Variants in SMO observed in about 807,000 individuals in gnomAD.
SMO encodes the protein smoothened, frizzled class receptor, also known as protein smoothened.
A neutral mutation model predicts 81.6 loss-of-function variants in SMO; 40 were observed. That is an observed-to-expected ratio of 0.49 (90% CI 0.38 to 0.64). SMO has a LOEUF of 0.64. Ranked by LOEUF, SMO falls within the 30% of genes least tolerant of loss-of-function variation. The pLI is 0.00. For synonymous variants in SMO, 434 were observed against 432.1 expected, an observed-to-expected ratio of 1.00 and a Z score of -0.05; for missense variants, 916 against 1,061.1, an observed-to-expected ratio of 0.86 and a Z score of 1.90.
intron 1 of SMO, among the ~76,000 whole-genome samples, chr7:129,192,641 A>T (rs1186139709): frequency 6.6e-6 from 1 of 152,120 alleles, no homozygotes; most frequent in African/African-American, 2.4e-5. Flanking sequence ...TAACTTTCAG[A>T]GGTAGTGCTC....
Position 129,206,376 on chromosome 7 carries a change from T to C in SMO, c.1140+7T>C, listed in dbSNP as rs530794787. ...AATCCTTGCTGTGGCGCAGGTATAG[T>C]GACTGGTAGGAACGGGAGACCTGGA... On this transcript the variant is annotated splice_region_variant and intron_variant, in intron 5 of 11. Coordinates refer to ENST00000249373, the MANE Select transcript of SMO (RefSeq NM_005631.5). The surrounding 1 kb of genome is among the most constrained non-coding windows in gnomAD (Gnocchi z 4.4). 2.7e-5 allele frequency: 43 copies of C among 1,614,078 alleles called. No homozygotes were observed. In the East Asian group the frequency reaches 8.9e-4, roughly 33 times the overall value.
intron 1 of SMO, among the ~76,000 whole-genome samples, chr7:129,201,895 G>A (rs1230000115): frequency 6.6e-6 from 1 of 152,036 alleles, no homozygotes; most frequent in Admixed American, 6.6e-5. Flanking sequence ...TGGCCAGGCT[G>A]GTCTTGAACT....
chr7:129,203,630 G>A (rs1310086200), intron 2 of SMO, 41 bp downstream of exon 2: 1 of 1,515,576 alleles, frequency 6.6e-7, no homozygotes, highest in Non-Finnish European at 8.9e-7. Context: ...CTCTGGGTTG[G>A]GCAGGACCGG....
rs143083812 is a variant in SMO at position 129,203,569 on chromosome 7, C to T, written c.517C>T (p.Arg173Cys). The T allele has an allele frequency of 6.7e-4, 1,069 of 1,601,930 alleles. 1 individual carries two copies. Among genetic ancestry groups the T allele is most frequent in the Non-Finnish European group, 8.5e-4 (1,003 of 1,179,520 alleles). The change falls in exon 2 of 12, where the codon CGC becomes TGC. Residue 173 changes from arginine (R) to cysteine (C), a missense_variant. This residue lies in a region of SMO where 436 missense variants were observed against 570.9 expected (regional missense o/e 0.76). Coordinates refer to ENST00000249373, the MANE Select transcript of SMO (RefSeq NM_005631.5). ...TGACTTCCTGCGCTGCACTCCTGAC[C>T]GCTTCCCTGAAGGCTGCACGGTGAG... ...WPDFLRCTPD[R>C]FPEGCTNEVQ...
In SMO at chr7:129,189,537, G is replaced by A. The variant is rs2150638676; in HGVS notation, c.331+55G>A. 2.6e-6 allele frequency: 4 copies of A among 1,523,482 alleles called. No homozygotes were observed. Among genetic ancestry groups the A allele is most frequent in the Non-Finnish European group, 2.6e-6 (3 of 1,138,398 alleles). 94.4% of individuals were successfully genotyped at this position (1,523,482 alleles called of 1,614,324 possible). A position where few individuals can be genotyped will look rare whatever the true frequency, so the allele number is the denominator to read the frequency against. On this transcript the variant is annotated intron_variant, in intron 1 of 11. Coordinates refer to ENST00000249373, the MANE Select transcript of SMO (RefSeq NM_005631.5). The surrounding 1 kb of genome is among the most constrained non-coding windows in gnomAD (Gnocchi z 4.7). ...CGGGAGGTGCCGCGGTAAGATGGGG[G>A]CACCCTTGGAAAGAACAGGCTCAGG...
Position 129,211,926 on chromosome 7 carries a change from C to A in SMO, c.1937-98C>A. 1 of 1,422,714 alleles carries A rather than the reference C, an allele frequency of 7.0e-7. No individual in the cohort carries two copies. The allele number at this position is 1,422,714 out of a possible 1,614,324, so 88.1% of individuals were successfully genotyped here. On this transcript the variant is annotated intron_variant, in intron 11 of 11. Transcript: ENST00000249373. The surrounding 1 kb of genome is among the most constrained non-coding windows in gnomAD (Gnocchi z 4.6). ...GCTGAGGCTCTAAGAGTCTAGAGAC[C>A]TGGGCCCCAGAACTAACAGGTTAAG...
In SMO at chr7:129,206,339, C is replaced by T. The variant is rs779576969; in HGVS notation, c.1110C>T (p.Val370=). 2 of 1,614,186 alleles carry T rather than the reference C, an allele frequency of 1.2e-6. No homozygotes were observed. Among genetic ancestry groups the T allele is most frequent in the South Asian group, 2.2e-5 (2 of 91,082 alleles). The change falls in exon 5 of 12, where the codon GTC becomes GTT. Residue 370 remains valine, a synonymous_variant. Transcript: ENST00000249373. This position sits in a 1 kb window ranked among gnomAD's most constrained non-coding sequence, Gnocchi z 4.4. ...TGCTCACCTGGTCACTCCCCTTTGT[C>T]CTCACTGTGGCAATCCTTGCTGTGG... ...FHLLTWSLPF[V]LTVAILAVAQ...
Position 129,205,222 on chromosome 7 carries a change from A to G in SMO, c.557A>G (p.Lys186Arg), listed in dbSNP as rs771290147. 8 of 1,614,018 alleles carry G rather than the reference A, an allele frequency of 5.0e-6. No homozygotes were observed. Among genetic ancestry groups the G allele is most frequent in the East Asian group, 4.5e-5 (2 of 44,890 alleles). Residue 186 changes from lysine (K) to arginine (R), a missense_variant, in exon 3 of 12, where the codon AAG becomes AGG. Lys to Arg is a conservative substitution (Grantham distance 26). Coordinates refer to ENST00000249373, the MANE Select transcript of SMO (RefSeq NM_005631.5). The part of the protein sequence containing the change: ...EGCTNEVQNI[K>R]FNSSGQCEVP... Reference sequence around the variant, plus strand: ...TGCCAGAATGAGGTGCAGAACATCAAGTTCAACAGTTCAGGCCAGTGCGAA... The same window carrying G: ...TGCCAGAATGAGGTGCAGAACATCAGGTTCAACAGTTCAGGCCAGTGCGAA...
At chr7:129,201,737 G>A (rs932485815) in intron 1 of SMO, among the ~76,000 whole-genome samples, 1 of 151,926 alleles carries the variant, frequency 6.6e-6, no homozygotes, top group African/African-American at 2.4e-5. Flanking sequence ...CTGGAGTGCA[G>A]TGGCGCCATC....
At chr7:129,192,834 T>C (rs1042131724) in intron 1 of SMO, among the ~76,000 whole-genome samples, 4 of 152,204 alleles carry the variant, frequency 2.6e-5, no homozygotes, top group Non-Finnish European at 5.9e-5. Flanking sequence ...ATTGGACATC[T>C]ATGTGGAGAT....
chr7:129,193,788 ATATATATATAT>A (rs1793522440), intron 1 of SMO, among the ~76,000 whole-genome samples: 1 of 52,960 alleles, frequency 1.9e-5, no homozygotes, highest in African/African-American at 7.2e-5. Flanking sequence ...AAAAAAAAAT[ATATATATATAT>A]ATATATATAT....
chr7:129,190,642 A>G (rs531867587), intron 1 of SMO, among the ~76,000 whole-genome samples: 3 of 152,342 alleles, frequency 2.0e-5, no homozygotes, highest in East Asian at 1.9e-4. Context: ...GATGTTGGAC[A>G]AGGCCATAAG....
Position 129,211,895 on chromosome 7 carries a change from A to T in SMO, c.1936+125A>T, listed in dbSNP as rs1563151949. 1 of 1,425,046 alleles carries T rather than the reference A, an allele frequency of 7.0e-7. No homozygotes were observed. 88.3% of individuals were successfully genotyped at this position (1,425,046 alleles called of 1,614,324 possible). Reference sequence around the variant, plus strand: ...AGGAAAGGCCCCAGAGGATCTGAAGAGTGGGGCTGAGGCTCTAAGAGTCTA... The same window carrying T: ...AGGAAAGGCCCCAGAGGATCTGAAGTGTGGGGCTGAGGCTCTAAGAGTCTA... On this transcript the variant is annotated intron_variant, in intron 11 of 11. Coordinates refer to ENST00000249373, the MANE Select transcript of SMO (RefSeq NM_005631.5). The surrounding 1 kb of genome is among the most constrained non-coding windows in gnomAD (Gnocchi z 4.6).
At position 129,212,255 on chromosome 7, in the gene SMO, A is replaced by C. The variant is rs766361793; in HGVS notation, c.2168A>C (p.Asp723Ala). 3.7e-6 allele frequency: 6 copies of C among 1,605,664 alleles called. No homozygotes were observed. The highest frequency in any genetic ancestry group is 5.1e-6 in the Non-Finnish European group (6 of 1,176,270). The change falls in exon 12 of 12, where the codon GAC becomes GCC. Residue 723 changes from aspartate to alanine, a missense_variant. Transcript: ENST00000249373. The surrounding 1 kb of genome is among the most constrained non-coding windows in gnomAD (Gnocchi z 5.0). ...GCTGCAGGTGCCTGGGGAGCTGGGGACTCTTGCCGACAGGGAGCGTGGACC... is the reference window on the plus strand; with the variant it reads ...GCTGCAGGTGCCTGGGGAGCTGGGGCCTCTTGCCGACAGGGAGCGTGGACC... Reference protein sequence around the residue: ...LVAAGAWGAGDSCRQGAWTLV... With the variant: ...LVAAGAWGAGASCRQGAWTLV...
rs1793855945 is a variant in SMO, at chr7:129,210,744, ATCACCTT to A, written c.1652+198_1652+204del. Among the ~76,000 whole-genome samples, 1 of 152,368 alleles carries A rather than the reference ATCACCTT, an allele frequency of 6.6e-6. No individual in the cohort carries two copies. The highest frequency in any genetic ancestry group is 2.1e-4 in the South Asian group (1 of 4,834). On this transcript the variant is annotated intron_variant, in intron 9 of 11. Coordinates refer to ENST00000249373, the MANE Select transcript of SMO (RefSeq NM_005631.5). This position sits in a 1 kb window ranked among gnomAD's most constrained non-coding sequence, Gnocchi z 4.7. ...TGGGCCAAGGGCAGAGCCAGCTGCC[ATCACCTT>A]TTAAGAGCGGAGTGATTGGAGGGCT...
rs1584651550 is a variant in SMO, at chr7:129,189,607, G to A, written c.331+125G>A. The A allele has an allele frequency of 9.3e-7, 1 of 1,075,714 alleles. No homozygotes were observed. The highest frequency in any genetic ancestry group is 2.8e-5 in the East Asian group (1 of 35,856). 66.6% of individuals were successfully genotyped at this position (1,075,714 alleles called of 1,614,324 possible). ...GGGGACAGCACCCGGGAGAGTTGGA[G>A]GGACAGATCCCGAAACTTTGGGGGC... On this transcript the variant is annotated intron_variant, in intron 1 of 11. Coordinates refer to ENST00000249373, the MANE Select transcript of SMO (RefSeq NM_005631.5). The surrounding 1 kb of genome is among the most constrained non-coding windows in gnomAD (Gnocchi z 4.7).
At chr7:129,193,676 G>A (rs1311120001) in intron 1 of SMO, among the ~76,000 whole-genome samples, 7 of 140,164 alleles carry the variant, frequency 5.0e-5, no homozygotes, top group Middle Eastern at 7.8e-3. Flanking sequence ...GGAGAATGGC[G>A]GGAACCCGGG....
rs1013962951 is a variant in SMO at position 129,206,274 on chromosome 7, A to ACCTAC, written c.1047_1051dup (p.Gln351ProfsTer38). ...CACTTCCTTCAAAGCCCTGGGCACC[A>ACCTAC]CCTACCAGCCTCTCTCGGGCAAGAC... On this transcript the variant is annotated frameshift_variant, in exon 5 of 12. Coordinates refer to ENST00000249373, the MANE Select transcript of SMO (RefSeq NM_005631.5). LOFTEE classifies it high-confidence loss of function. The surrounding 1 kb of genome is among the most constrained non-coding windows in gnomAD (Gnocchi z 4.4). The ACCTAC allele has an allele frequency of 1.2e-6, 2 of 1,614,026 alleles. No individual in the cohort carries two copies. Among genetic ancestry groups the ACCTAC allele is most frequent in the Admixed American group, 1.7e-5 (1 of 60,012 alleles).
chr7:129,195,577 T>C (rs996645609), intron 1 of SMO, among the ~76,000 whole-genome samples: 6 of 152,212 alleles, frequency 3.9e-5, no homozygotes, highest in African/African-American at 1.4e-4. Context: ...TTATATATGC[T>C]AGATATGAGT....
Sources: gnomAD v4.1 joint callset for allele counts (sites outside exome capture counted in the v4.1 genomes callset) on GRCh38, gnomAD v4.1.1 for gene constraint, gnomAD v4.1.1 regional missense constraint, Gnocchi (gnomAD v3.1) non-coding constraint, MANE v1.5 for transcripts, NCBI Gene and HGNC (gene_info 2026-07-23, HGNC 2026-07-21) for gene names.